Variants in SLC24A2 observed in about 807,000 individuals in gnomAD.
The protein encoded by SLC24A2 is sodium/potassium/calcium exchanger 2.
In SLC24A2, 36 loss-of-function variants were observed where a neutral mutation model predicts 62.0. That is an observed-to-expected ratio of 0.58 (90% CI 0.44 to 0.77). The LOEUF (loss-of-function observed/expected upper bound fraction) is 0.77, where lower values mean the gene tolerates loss of function less well. SLC24A2 is among the 30% of genes least tolerant of loss of function. The pLI is 0.00. For synonymous variants in SLC24A2, 358 were observed against 294.0 expected, an observed-to-expected ratio of 1.22 and a Z score of -2.23; for missense variants, 846 against 817.9, an observed-to-expected ratio of 1.03 and a Z score of -0.42.
chr9:19,776,894 C>A (rs1822862173), intron 2 of SLC24A2, among the ~76,000 whole-genome samples: 2 of 152,266 alleles, frequency 1.3e-5, no homozygotes, highest in Non-Finnish European at 2.9e-5. Flanking sequence ...GGGTGAATCT[C>A]CCACATTCCA....
In SLC24A2 at chr9:19,636,323, C is replaced by CTT. The variant is rs1554690385; in HGVS notation, c.931-14026_931-14025dup. Among the ~76,000 whole-genome samples the CTT allele has an allele frequency of 4.2e-4, 8 of 19,174 alleles. 1 individual carries two copies. The South Asian group carries it at 7.1e-3, about 17-fold the overall frequency. 12.6% of individuals were successfully genotyped at this position (19,174 alleles called of 152,430 possible). On this transcript the variant is annotated intron_variant, in intron 2 of 10. Coordinates refer to ENST00000341998, the MANE Select transcript of SLC24A2 (RefSeq NM_020344.4). ...TCTTTTCTTTTCTTTTCTTTTCTTTCTTTCTTTCTTTCTTTCTTTCTTTCT... is the reference window on the plus strand; with the variant it reads ...TCTTTTCTTTTCTTTTCTTTTCTTTCTTTTTCTTTCTTTCTTTCTTTCTTTCT...
chr9:19,906,534 C>G, the SLC24A2 span, among the ~76,000 whole-genome samples: 1 of 151,978 alleles, frequency 6.6e-6, no homozygotes, highest in South Asian at 2.1e-4. Context: ...TCAATGAATC[C>G]AGGAGCTGGT....
chr9:19,670,875 G>A (rs1819393758), intron 2 of SLC24A2, among the ~76,000 whole-genome samples: 1 of 152,130 alleles, frequency 6.6e-6, no homozygotes, highest in Non-Finnish European at 1.5e-5. Flanking sequence ...GAACATTTCT[G>A]ATATCCCTGA....
chr9:19,899,564 GA>G, the SLC24A2 span, among the ~76,000 whole-genome samples: 3 of 152,192 alleles, frequency 2.0e-5, no homozygotes, highest in African/African-American at 7.2e-5. Flanking sequence ...AGTGATAATA[GA>G]GATGTTTATA....
chr9:19,885,003 C>A, the SLC24A2 span, among the ~76,000 whole-genome samples: 5 of 152,188 alleles, frequency 3.3e-5, no homozygotes, highest in Non-Finnish European at 7.3e-5. Flanking sequence ...TTGGATGGGA[C>A]TGGCCATACA....
At chr9:19,814,887 A>G in the SLC24A2 span, among the ~76,000 whole-genome samples, 6 of 152,218 alleles carry the variant, frequency 3.9e-5, no homozygotes, top group Non-Finnish European at 8.8e-5. Flanking sequence ...ATTTTATAAG[A>G]GTGATGAACA....
chr9:19,561,638 T>A (rs1277980445), intron 7 of SLC24A2, among the ~76,000 whole-genome samples: 1 of 151,318 alleles, frequency 6.6e-6, no homozygotes, highest in Non-Finnish European at 1.5e-5. Flanking sequence ...ATTTCACCCA[T>A]CCAGGATGGT....
At chr9:19,605,341 A>C (rs911598312) in intron 4 of SLC24A2, among the ~76,000 whole-genome samples, 2 of 152,220 alleles carry the variant, frequency 1.3e-5, no homozygotes, top group Non-Finnish European at 2.9e-5. Context: ...ATTTTTTTCA[A>C]GTCTGCTCAA....
At chr9:19,978,232 A>T in the SLC24A2 span, among the ~76,000 whole-genome samples, 3 of 152,216 alleles carry the variant, frequency 2.0e-5, no homozygotes, top group African/African-American at 4.8e-5. Flanking sequence ...TCTGTATAAT[A>T]TTATGTTATC....
the SLC24A2 span, among the ~76,000 whole-genome samples, chr9:20,043,192 TAAATG>T: frequency 6.6e-6 from 1 of 152,178 alleles, no homozygotes; most frequent in African/African-American, 2.4e-5. Context: ...AGCAAAGGTA[TAAATG>T]TAAAGGAAAT....
chr9:20,194,950 C>T, the SLC24A2 span, among the ~76,000 whole-genome samples: 2,112 of 152,168 alleles, frequency 0.014, 16 homozygotes, highest in Non-Finnish European at 0.021. Flanking sequence ...TAACTACATT[C>T]GTGTTTTTCT....
intron 10 of SLC24A2, among the ~76,000 whole-genome samples, chr9:19,516,907 G>A (rs903911222): frequency 1.3e-5 from 2 of 152,112 alleles, no homozygotes; most frequent in Non-Finnish European, 2.9e-5. Flanking sequence ...ATGGTGGTTG[G>A]GGGCCACGAT....
intron 2 of SLC24A2, among the ~76,000 whole-genome samples, chr9:19,751,926 C>A (rs10811232): frequency 0.02 from 2,975 of 152,290 alleles, 42 homozygotes; most frequent in South Asian, 0.029. Context: ...TCTGCCTAAT[C>A]TTCAAAGACA....
chr9:19,650,822 A>AGTGTGT lies in SLC24A2; in HGVS notation c.931-28529_931-28524dup, dbSNP rs61576823. Among the ~76,000 whole-genome samples the AGTGTGT allele has an allele frequency of 1.2e-3, 176 of 149,188 alleles. 1 individual carries two copies. The highest frequency in any genetic ancestry group is 2.7e-3 in the African/African-American group (111 of 40,470). Reference sequence around the variant, plus strand: ...ACAGGCATTGTAAACATCAGCTTCTAGTGTGTGTGTGTGTGTGTGTGTGTG... The same window carrying AGTGTGT: ...ACAGGCATTGTAAACATCAGCTTCTAGTGTGTGTGTGTGTGTGTGTGTGTGTGTGTG... On this transcript the variant is annotated intron_variant, in intron 2 of 10. Transcript: ENST00000341998.
intron 4 of SLC24A2, among the ~76,000 whole-genome samples, chr9:19,604,393 A>G (rs1341495367): frequency 6.6e-6 from 1 of 152,202 alleles, no homozygotes; most frequent in Non-Finnish European, 1.5e-5. Flanking sequence ...AAAAATGGCA[A>G]TGGAAACTAC....
At chr9:20,030,599 C>T in the SLC24A2 span, among the ~76,000 whole-genome samples, 3 of 152,208 alleles carry the variant, frequency 2.0e-5, no homozygotes, top group African/African-American at 7.2e-5. Flanking sequence ...TCTGGACAAA[C>T]CCCACCCTTT....
chr9:20,292,697 G>A, the SLC24A2 span, among the ~76,000 whole-genome samples: 1 of 152,140 alleles, frequency 6.6e-6, no homozygotes. Context: ...TTGACCTCCT[G>A]GGCTCAAGTG....
the SLC24A2 span, among the ~76,000 whole-genome samples, chr9:19,805,586 T>C: frequency 6.6e-6 from 1 of 152,168 alleles, no homozygotes; most frequent in Non-Finnish European, 1.5e-5. Context: ...ACCTGACACA[T>C]AGAAGGCTCT....
the SLC24A2 span, among the ~76,000 whole-genome samples, chr9:19,863,911 T>A: frequency 2.6e-5 from 4 of 151,834 alleles, no homozygotes; most frequent in Admixed American, 2.0e-4. Context: ...GTTGTTTTTT[T>A]AAAAAGTTAA....
Sources: allele counts gnomAD v4.1 joint callset (sites outside exome capture counted in the v4.1 genomes callset), GRCh38; gene constraint gnomAD v4.1.1; transcripts MANE v1.5; gene names NCBI Gene and HGNC (gene_info 2026-07-23, HGNC 2026-07-21).